The following TRIM55 variants were observed in gnomAD, a reference collection of about 807,000 sequenced individuals.
TRIM55 encodes tripartite motif containing 55, also known as tripartite motif-containing protein 55.
In TRIM55, 50 loss-of-function variants were observed where a neutral mutation model predicts 60.9. The ratio of observed to expected loss-of-function variants is 0.82; its 90% CI spans 0.65 to 1.04. The LOEUF is 1.04. Among genes scored for constraint, TRIM55 ranks in the 50% least tolerant of loss-of-function variants. TRIM55 has a pLI of 0.00. For missense variants in TRIM55, 681 were observed against 666.9 expected, an observed-to-expected ratio of 1.02 and a Z score of -0.23; for synonymous variants, 237 against 238.1, an observed-to-expected ratio of 1.00 and a Z score of 0.04.
At chr8:66,124,356 C>T (rs537729575), upstream of TRIM55, among the ~76,000 whole-genome samples, 2 of 152,344 alleles carry the variant, frequency 1.3e-5, no homozygotes, top group South Asian at 4.1e-4. Flanking sequence ...GTGTTAAAAA[C>T]TCTTTAGCAC....
chr8:66,135,869 CTGG>C, intron 3 of TRIM55, among the ~76,000 whole-genome samples: 1 of 152,150 alleles, frequency 6.6e-6, no homozygotes, highest in Non-Finnish European at 1.5e-5. Flanking sequence ...ATTTATCCAT[CTGG>C]TACAGATAAA....
chr8:66,156,004 GA>G (rs1226972541), intron 9 of TRIM55, among the ~76,000 whole-genome samples: 6 of 152,212 alleles, frequency 3.9e-5, no homozygotes, highest in Admixed American at 3.9e-4. Flanking sequence ...AAACCCTCCA[GA>G]ATGGTCATTA....
intron 9 of TRIM55, among the ~76,000 whole-genome samples, chr8:66,166,126 A>G (rs1811316707): frequency 6.6e-6 from 1 of 152,224 alleles, no homozygotes. Flanking sequence ...ACAATAAAAA[A>G]GTCAATACTA....
intron 9 of TRIM55, among the ~76,000 whole-genome samples, chr8:66,165,931 C>T (rs1811305912): frequency 6.7e-6 from 1 of 148,526 alleles, no homozygotes; most frequent in South Asian, 2.1e-4. Flanking sequence ...TACCCTACAA[C>T]TGCAATATTA....
chr8:66,155,688 G>A (rs1192021618), intron 9 of TRIM55: 1 of 1,612,120 alleles, frequency 6.2e-7, no homozygotes, highest in Admixed American at 1.7e-5. Flanking sequence ...GTCAGATTCA[G>A]TGCTTGATTT....
At chr8:66,138,288 C>A (rs1176071600) in intron 4 of TRIM55, among the ~76,000 whole-genome samples, 1 of 152,140 alleles carries the variant, frequency 6.6e-6, no homozygotes, top group Non-Finnish European at 1.5e-5. Flanking sequence ...TTATAAAATA[C>A]GTATTGTGTT....
intron 3 of TRIM55, 42 bp downstream of exon 3, chr8:66,135,197 C>T (rs1358150165): frequency 6.2e-7 from 1 of 1,609,952 alleles, no homozygotes; most frequent in East Asian, 2.2e-5. Context: ...CCTCCCCATC[C>T]CCACACCTTA....
chr8:66,149,421 A>G (rs1012771864), intron 4 of TRIM55, among the ~76,000 whole-genome samples: 2 of 152,262 alleles, frequency 1.3e-5, no homozygotes, highest in Non-Finnish European at 2.9e-5. Flanking sequence ...TGATTCATGT[A>G]GCCAATTTAA....
At chr8:66,169,152 C>A (rs191741794) in intron 9 of TRIM55, among the ~76,000 whole-genome samples, 6 of 152,224 alleles carry the variant, frequency 3.9e-5, no homozygotes, top group African/African-American at 7.2e-5. Flanking sequence ...AATGCCCCCC[C>A]ACAAATGTGG....
chr8:66,150,772 T>A (rs1810376636), intron 7 of TRIM55, among the ~76,000 whole-genome samples: 1 of 152,168 alleles, frequency 6.6e-6, no homozygotes, highest in South Asian at 2.1e-4. Context: ...GTTCAAGCGA[T>A]TCTCCCGCCT....
rs1324299797 is a variant in TRIM55 at position 66,149,802 on chromosome 8, A to G, written c.761A>G (p.His254Arg). ...VRALIKKYSD[H>R]LENVSKLVES... ...GCTCTGATCAAAAAGTATTCTGATC[A>G]TTTGGAGAACGTCTCAAAGTTGGTT... The change falls in exon 5 of 10, where the codon CAT becomes CGT. Residue 254 changes from histidine to arginine, a missense_variant. Coordinates refer to ENST00000315962, the MANE Select transcript of TRIM55 (RefSeq NM_184085.2). The G allele has an allele frequency of 6.2e-7, 1 of 1,614,216 alleles. No homozygotes were observed. Among genetic ancestry groups the G allele is most frequent in the Non-Finnish European group, 8.5e-7 (1 of 1,180,016 alleles).
intron 4 of TRIM55, among the ~76,000 whole-genome samples, chr8:66,145,308 C>T (rs1187853163): frequency 6.6e-6 from 1 of 152,132 alleles, no homozygotes; most frequent in Non-Finnish European, 1.5e-5. Flanking sequence ...GTTCCAATTT[C>T]GTAATTCCAA....
Position 66,137,129 on chromosome 8 carries a change from G to T in TRIM55, c.542G>T (p.Gly181Val). ...AGTGATGGCATCGCCATCCTCGTGG[G>T]CAGCAACGATCGAGTCCAGGGAGTG... ...ELSDGIAILVGSNDRVQGVIS... is the reference protein window; with the variant it reads ...ELSDGIAILVVSNDRVQGVIS... The change falls in exon 4 of 10, where the codon GGC (glycine) becomes GTC (valine). Residue 181 changes from glycine (G) to valine (V), a missense_variant. Gly to Val is a moderately radical substitution (Grantham distance 109). Coordinates refer to ENST00000315962, the MANE Select transcript of TRIM55 (RefSeq NM_184085.2). 6.2e-7 allele frequency: 1 copy of T among 1,614,062 alleles called. No individual in the cohort carries two copies. Among genetic ancestry groups the T allele is most frequent in the Non-Finnish European group, 8.5e-7 (1 of 1,179,978 alleles).
chr8:66,118,092 C>G, the TRIM55 span, among the ~76,000 whole-genome samples: 10 of 139,440 alleles, frequency 7.2e-5, no homozygotes, highest in South Asian at 2.3e-3. Flanking sequence ...TGGCGTGAAC[C>G]CGGGAGGCGG....
At chr8:66,133,872 T>A (rs1242622099) in intron 2 of TRIM55, among the ~76,000 whole-genome samples, 1 of 152,168 alleles carries the variant, frequency 6.6e-6, no homozygotes, top group Non-Finnish European at 1.5e-5. Context: ...TTTTACATTG[T>A]GACCACTTAC....
the TRIM55 span, among the ~76,000 whole-genome samples, chr8:66,119,601 G>T: frequency 6.6e-6 from 1 of 152,184 alleles, no homozygotes; most frequent in Non-Finnish European, 1.5e-5. Context: ...TATTTTGACA[G>T]TTACAATGAA....
chr8:66,164,133 T>C (rs1038630938), intron 9 of TRIM55, among the ~76,000 whole-genome samples: 3 of 151,844 alleles, frequency 2.0e-5, no homozygotes, highest in Admixed American at 6.6e-5. Context: ...AAGACAGGGG[T>C]GGGGCACCTG....
intron 2 of TRIM55, among the ~76,000 whole-genome samples, chr8:66,131,406 T>A (rs948835919): frequency 6.6e-6 from 1 of 152,204 alleles, no homozygotes; most frequent in East Asian, 1.9e-4. Context: ...ACCAATGACA[T>A]GTGCATACTA....
intron 9 of TRIM55, among the ~76,000 whole-genome samples, chr8:66,166,433 C>T (rs1408891148): frequency 6.6e-6 from 1 of 151,652 alleles, no homozygotes; most frequent in East Asian, 1.9e-4. Context: ...TTTGTTAGTG[C>T]TGTACATCCT....
Sources: gnomAD v4.1 joint callset for allele counts (sites outside exome capture counted in the v4.1 genomes callset) on GRCh38, gnomAD v4.1.1 for gene constraint, MANE v1.5 for transcripts, NCBI Gene and HGNC (gene_info 2026-07-23, HGNC 2026-07-21) for gene names.